Variants in RAD51B observed in about 807,000 individuals in gnomAD.
RAD51B encodes DNA repair protein RAD51 homolog 2.
Under a neutral mutation model 42.2 loss-of-function variants are expected in RAD51B, and 38 were observed. The ratio of observed to expected loss-of-function variants is 0.90; its 90% CI spans 0.70 to 1.18. The LOEUF (loss-of-function observed/expected upper bound fraction) is 1.18, where lower values mean the gene tolerates loss of function less well. Among genes scored for constraint, RAD51B ranks in the 50% most tolerant of loss-of-function variants. The pLI, the probability that RAD51B is intolerant of heterozygous loss-of-function variation, is 0.00. For missense variants in RAD51B, 373 were observed against 400.7 expected (o/e 0.93, Z 0.59); for synonymous variants, 154 against 145.2 (o/e 1.06, Z -0.43).
At chr14:68,551,085 C>T (rs540012284) in intron 10 of RAD51B, among the ~76,000 whole-genome samples, 19 of 152,254 alleles carry the variant, frequency 1.2e-4, no homozygotes, top group African/African-American at 4.6e-4. Flanking sequence ...CCCCAGCACT[C>T]CCAAATTCCA....
At chr14:68,018,055 T>C (rs1176610946) in intron 7 of RAD51B, among the ~76,000 whole-genome samples, 1 of 152,222 alleles carries the variant, frequency 6.6e-6, no homozygotes, top group Admixed American at 6.5e-5. Flanking sequence ...AGTAGCTGAT[T>C]GTCCCTTTAA....
At chr14:68,506,883 C>T (rs559844573) in intron 10 of RAD51B, among the ~76,000 whole-genome samples, 16 of 152,284 alleles carry the variant, frequency 1.1e-4, no homozygotes, top group South Asian at 4.1e-4. Flanking sequence ...AAGAAAGTTT[C>T]GAGATTCTGT....
intron 7 of RAD51B, among the ~76,000 whole-genome samples, chr14:68,267,188 C>G (rs186064052): frequency 2.0e-5 from 3 of 152,234 alleles, no homozygotes; most frequent in African/African-American, 7.2e-5. Context: ...TACTTTTTTG[C>G]TCTTTGGAAA....
intron 7 of RAD51B, among the ~76,000 whole-genome samples, chr14:68,043,923 A>C (rs1030244108): frequency 1.3e-5 from 2 of 152,352 alleles, no homozygotes; most frequent in Admixed American, 1.3e-4. Flanking sequence ...AGGTTGTAAA[A>C]GAAGGAACTG....
chr14:68,562,188 C>T (rs1889187864), intron 10 of RAD51B: 2 of 985,324 alleles, frequency 2.0e-6, no homozygotes, highest in Admixed American at 1.2e-4. Context: ...CAAATTTTCT[C>T]TCCAAGTGAC....
At chr14:67,980,237 A>G (rs10144995) in intron 7 of RAD51B, among the ~76,000 whole-genome samples, 47,026 of 151,974 alleles carry the variant, frequency 0.31, 9,946 homozygotes, top group African/African-American at 0.6. Context: ...CTGAGATCAG[A>G]AGTTTGAGAT....
At chr14:68,178,245 G>T (rs962728794) in intron 7 of RAD51B, among the ~76,000 whole-genome samples, 1 of 152,050 alleles carries the variant, frequency 6.6e-6, no homozygotes, top group Non-Finnish European at 1.5e-5. Flanking sequence ...TAAAATTATT[G>T]TTTTCCAGTG....
intron 10 of RAD51B, among the ~76,000 whole-genome samples, chr14:68,519,497 A>C (rs1486074115): frequency 6.6e-6 from 1 of 152,232 alleles, no homozygotes; most frequent in Non-Finnish European, 1.5e-5. Context: ...CAGTTGGCCT[A>C]AGAATGGACA....
At chr14:68,249,611 G>C (rs2080576658) in intron 7 of RAD51B, among the ~76,000 whole-genome samples, 1 of 152,182 alleles carries the variant, frequency 6.6e-6, no homozygotes, top group Non-Finnish European at 1.5e-5. Flanking sequence ...CTGGACTATA[G>C]TTTTACACAC....
rs1157017300 is a variant in RAD51B at position 68,144,350 on chromosome 14, G to A, written c.757-147534G>A. Among the ~76,000 whole-genome samples the A allele has an allele frequency of 2.0e-5, 3 of 152,190 alleles. No homozygotes were observed. The East Asian group carries it at 5.8e-4, about 29-fold the overall frequency. On this transcript the variant is annotated intron_variant, in intron 7 of 10. Transcript: ENST00000471583. ...CGGCTGAGCAAAGAGGCACTTGGTT[G>A]TCATCATTTTAGAAAATCAAGGAAG...
intron 8 of RAD51B, among the ~76,000 whole-genome samples, chr14:68,310,085 C>A (rs2081939065): frequency 6.6e-6 from 1 of 152,054 alleles, no homozygotes. Context: ...CATTGATATT[C>A]CTGTCTTCTA....
chr14:68,663,861 C>A (rs1333970031), intron 11 of RAD51B, among the ~76,000 whole-genome samples: 1 of 152,178 alleles, frequency 6.6e-6, no homozygotes, highest in African/African-American at 2.4e-5. Flanking sequence ...AAAATGGGAG[C>A]AGTAGTCCCC....
chr14:68,070,032 G>A (rs937432807), intron 7 of RAD51B, among the ~76,000 whole-genome samples: 1 of 152,012 alleles, frequency 6.6e-6, no homozygotes, highest in Non-Finnish European at 1.5e-5. Flanking sequence ...TTCCCTAATG[G>A]TTAGTGTTAT....
chr14:68,063,937 T>C (rs1566616564), intron 7 of RAD51B, among the ~76,000 whole-genome samples: 3 of 152,230 alleles, frequency 2.0e-5, no homozygotes. Flanking sequence ...TTATATGTCC[T>C]TTTTGTCTTT....
chr14:68,406,789 A>G (rs977262801), intron 8 of RAD51B, among the ~76,000 whole-genome samples: 5 of 152,338 alleles, frequency 3.3e-5, no homozygotes, highest in Middle Eastern at 3.4e-3. Context: ...TAGCTGTTCA[A>G]AAACATTTTC....
intron 9 of RAD51B, among the ~76,000 whole-genome samples, chr14:68,442,597 T>C (rs1443081553): frequency 6.6e-6 from 1 of 151,786 alleles, no homozygotes; most frequent in African/African-American, 2.4e-5. Context: ...CATGCCACCA[T>C]GCCCAGCTAA....
intron 10 of RAD51B, among the ~76,000 whole-genome samples, chr14:68,582,052 AC>A (rs1890231440): frequency 6.6e-6 from 1 of 152,188 alleles, no homozygotes; most frequent in Admixed American, 6.5e-5. Context: ...AACCATAAAA[AC>A]CCTAGAAGAA....
intron 7 of RAD51B, among the ~76,000 whole-genome samples, chr14:68,247,934 C>G (rs1402825236): frequency 6.6e-6 from 1 of 152,080 alleles, no homozygotes; most frequent in Non-Finnish European, 1.5e-5. Flanking sequence ...TTACAAAATG[C>G]CTTCATGTAC....
intron 4 of RAD51B, among the ~76,000 whole-genome samples, chr14:67,839,656 A>G (rs2041360039): frequency 6.6e-6 from 1 of 151,730 alleles, no homozygotes; most frequent in African/African-American, 2.4e-5. Context: ...GGTCTTCTCT[A>G]TTATTTCTTC....
Sources: gnomAD v4.1 joint callset for allele counts (sites outside exome capture counted in the v4.1 genomes callset) on GRCh38, gnomAD v4.1.1 for gene constraint, MANE v1.5 for transcripts, NCBI Gene and HGNC (gene_info 2026-07-23, HGNC 2026-07-21) for gene names.